FXYD6: variants seen among roughly 807,000 people sequenced by gnomAD.
FXYD6 encodes FXYD domain-containing ion transport regulator 6.
Under a neutral mutation model 16.7 loss-of-function variants are expected in FXYD6, and 7 were observed. The observed-to-expected ratio is 0.42, with a 90% CI of 0.24 to 0.79. FXYD6 has a LOEUF of 0.79. Ranked by LOEUF, FXYD6 falls within the 30% of genes least tolerant of loss-of-function variation. FXYD6 has a pLI of 0.28. For synonymous variants in FXYD6, 49 were observed against 43.0 expected, an observed-to-expected ratio of 1.14 and a Z score of -0.54; for missense variants, 111 against 116.2, an observed-to-expected ratio of 0.95 and a Z score of 0.21.
intron 1 of FXYD6, among the ~76,000 whole-genome samples, chr11:117,875,102 C>CTG (rs35917427): frequency 0.63 from 94,536 of 150,498 alleles, 31,978 homozygotes; most frequent in Non-Finnish European, 0.79. Flanking sequence ...TTTAGATGTA[C>CTG]TGTGTGTGTG....
At chr11:117,846,043 CATG>C (rs1366738516) in intron 1 of FXYD6, among the ~76,000 whole-genome samples, 5 of 152,210 alleles carry the variant, frequency 3.3e-5, no homozygotes, top group African/African-American at 4.8e-5. Context: ...TGGTCATCTC[CATG>C]ATAATATCCC....
At chr11:117,861,788 T>C (rs2056912269) in intron 1 of FXYD6, among the ~76,000 whole-genome samples, 1 of 152,222 alleles carries the variant, frequency 6.6e-6, no homozygotes, top group Non-Finnish European at 1.5e-5. Flanking sequence ...AGGGTCCTCG[T>C]GTGGTCACAG....
At chr11:117,859,713 T>G (rs1015912203) in intron 1 of FXYD6, among the ~76,000 whole-genome samples, 2 of 152,112 alleles carry the variant, frequency 1.3e-5, no homozygotes, top group Admixed American at 6.5e-5. Flanking sequence ...TTAGCACAAA[T>G]AAATCAAACT....
At chr11:117,875,566 G>A (rs1408791610) in intron 1 of FXYD6, among the ~76,000 whole-genome samples, 1 of 152,160 alleles carries the variant, frequency 6.6e-6, no homozygotes, top group African/African-American at 2.4e-5. Flanking sequence ...TAATATGAGG[G>A]TGGCTGGATC....
At chr11:117,842,660 C>T in intron 2 of FXYD6, 59 bp downstream of exon 2, 1 of 1,530,444 alleles carries the variant, frequency 6.5e-7, no homozygotes, top group African/African-American at 1.4e-5. Context: ...AACCTTCCAG[C>T]AGAGAGGGCT....
At chr11:117,850,192 G>A (rs568366076) in intron 1 of FXYD6, among the ~76,000 whole-genome samples, 2 of 151,658 alleles carry the variant, frequency 1.3e-5, no homozygotes, top group African/African-American at 4.8e-5. Context: ...GCCGTTCTCC[G>A]GCCTCCTTGC....
Position 117,841,775 on chromosome 11 carries a change from A to G in FXYD6, c.172+16T>C. On this transcript the variant is annotated intron_variant, in intron 4 of 7. Transcript: ENST00000526014. The stretch of plus-strand genomic sequence containing the variant: ...AGTCATTGCTCTTAACAGAGTGAGC[A>G]AAAGAACAAACTTACTTAGGATAAG... 3.1e-6 allele frequency: 5 copies of G among 1,613,630 alleles called. No individual in the cohort carries two copies. Among genetic ancestry groups the G allele is most frequent in the Non-Finnish European group, 4.2e-6 (5 of 1,179,986 alleles).
chr11:117,837,820 G>C lies in FXYD6; in HGVS notation c.*479C>G, dbSNP rs1042978. 3 of 237,320 alleles carry C rather than the reference G, an allele frequency of 1.3e-5. No homozygotes were observed. The highest frequency in any genetic ancestry group is 2.5e-5 in the Non-Finnish European group (3 of 118,386). The allele number at this position is 237,320 out of a possible 1,614,324, so 14.7% of individuals were successfully genotyped here. A position where few individuals can be genotyped will look rare whatever the true frequency, so the allele number is the denominator to read the frequency against. On this transcript the variant is annotated 3_prime_UTR_variant, in exon 8 of 8. Transcript: ENST00000526014. The surrounding 1 kb of genome is among the most constrained non-coding windows in gnomAD (Gnocchi z 4.4). ...AAGACGACTGAAGACCACTGCCCGT[G>C]CTCTTACCCTACGCATCCCTAAATC...
chr11:117,853,422 T>C (rs73593340), intron 1 of FXYD6, among the ~76,000 whole-genome samples: 36 of 152,358 alleles, frequency 2.4e-4, no homozygotes, highest in African/African-American at 8.2e-4. Flanking sequence ...TGCAGTAATG[T>C]CAATGAGGGT....
chr11:117,841,497 T>C, intron 4 of FXYD6: 1 of 588,374 alleles, frequency 1.7e-6, no homozygotes, highest in Non-Finnish European at 3.0e-6. Flanking sequence ...GCAGCACCTG[T>C]CTCCTTCCTC....
chr11:117,837,447 G>A lies in FXYD6; in HGVS notation c.*852C>T, dbSNP rs1015692004. The stretch of plus-strand genomic sequence containing the variant: ...GAAGTCTCAGAAGCAGGGAAGGTTG[G>A]AAGGGGTAGGGTCCCAGAGCCCATG... On this transcript the variant is annotated 3_prime_UTR_variant, in exon 8 of 8. Transcript: ENST00000526014. This position sits in a 1 kb window ranked among gnomAD's most constrained non-coding sequence, Gnocchi z 4.4. The A allele has an allele frequency of 6.5e-6, 1 of 152,810 alleles. No homozygotes were observed. Among genetic ancestry groups the A allele is most frequent in the Admixed American group, 6.5e-5 (1 of 15,284 alleles). 9.5% of individuals were successfully genotyped at this position (152,810 alleles called of 1,614,324 possible). A position where few individuals can be genotyped will look rare whatever the true frequency, so the allele number is the denominator to read the frequency against.
chr11:117,867,067 A>G (rs548918843), intron 1 of FXYD6, among the ~76,000 whole-genome samples: 17 of 152,384 alleles, frequency 1.1e-4, no homozygotes, highest in African/African-American at 4.1e-4. Context: ...GAGTTATTTA[A>G]TCAGATTGCT....
Position 117,872,130 on chromosome 11 carries a change from T to C in FXYD6, c.-6+4462A>G, listed in dbSNP as rs1176246714. 6.6e-6 allele frequency among the ~76,000 whole-genome samples: 1 copy of C among 152,068 alleles called. No homozygotes were observed. The highest frequency in any genetic ancestry group is 1.5e-5 in the Non-Finnish European group (1 of 68,018). On this transcript the variant is annotated intron_variant, in intron 1 of 7. Coordinates refer to ENST00000526014, the MANE Select transcript of FXYD6 (RefSeq NM_022003.4). The surrounding 1 kb of genome is among the most constrained non-coding windows in gnomAD (Gnocchi z 4.9). ...TGTAACATCAGTGGGTAAAATGGAATGGGCTGAGAGGGTGGACGTTCACAG... is the reference window on the plus strand; with the variant it reads ...TGTAACATCAGTGGGTAAAATGGAACGGGCTGAGAGGGTGGACGTTCACAG...
chr11:117,844,760 G>T (rs1180895399), intron 1 of FXYD6, among the ~76,000 whole-genome samples: 3 of 152,126 alleles, frequency 2.0e-5, no homozygotes, highest in African/African-American at 7.2e-5. Context: ...CAGAGCGCTG[G>T]AATTACAGGC....
At chr11:117,866,842 G>C (rs113523070) in intron 1 of FXYD6, among the ~76,000 whole-genome samples, 1 of 152,158 alleles carries the variant, frequency 6.6e-6, no homozygotes, top group African/African-American at 2.4e-5. Flanking sequence ...ACTACTAGCC[G>C]GCAGCCTTTC....
rs1565323736 is a variant in FXYD6, at chr11:117,858,700, TTTC to T, written c.-5-15922_-5-15920del. On this transcript the variant is annotated intron_variant, in intron 1 of 7. Transcript: ENST00000526014. ...CTTTCTTTCTTTCTTTCTTTCTTTCTTTCTCTCTCTCTCTCCTTCCTTCCCTTC... is the reference window on the plus strand; with the variant it reads ...CTTTCTTTCTTTCTTTCTTTCTTTCTTCTCTCTCTCTCCTTCCTTCCCTTC... Among the ~76,000 whole-genome samples, 243 of 54,816 alleles carry T rather than the reference TTTC, an allele frequency of 4.4e-3. 3 individuals carry two copies. Among genetic ancestry groups the T allele is most frequent in the African/African-American group, 0.023 (231 of 10,158 alleles). 36.0% of individuals were successfully genotyped at this position (54,816 alleles called of 152,430 possible). A position where few individuals can be genotyped will look rare whatever the true frequency, so the allele number is the denominator to read the frequency against.
Position 117,872,693 on chromosome 11 carries a change from C to G in FXYD6, c.-6+3899G>C, listed in dbSNP as rs1169811111. On this transcript the variant is annotated intron_variant, in intron 1 of 7. Coordinates refer to ENST00000526014, the MANE Select transcript of FXYD6 (RefSeq NM_022003.4). This position sits in a 1 kb window ranked among gnomAD's most constrained non-coding sequence, Gnocchi z 4.9. ...CCAGCCTGGTCCGTGGGGGCCCAGC[C>G]CCTTTCCCAGGCTGTGTGCTCCCTC... Among the ~76,000 whole-genome samples, 1 of 152,200 alleles carries G rather than the reference C, an allele frequency of 6.6e-6. No individual in the cohort carries two copies. The highest frequency in any genetic ancestry group is 2.4e-5 in the African/African-American group (1 of 41,442).
chr11:117,845,204 G>A (rs1565314571), intron 1 of FXYD6, among the ~76,000 whole-genome samples: 1 of 152,132 alleles, frequency 6.6e-6, no homozygotes, highest in Non-Finnish European at 1.5e-5. Flanking sequence ...GTCTCAATGG[G>A]TTTGCCCACT....
chr11:117,869,412 A>G (rs921682186), intron 1 of FXYD6, among the ~76,000 whole-genome samples: 1 of 152,154 alleles, frequency 6.6e-6, no homozygotes. Context: ...CAGTAGCCCA[A>G]CGGCTCGAAT....
Sources: allele counts gnomAD v4.1 joint callset (sites outside exome capture counted in the v4.1 genomes callset), GRCh38; gene constraint gnomAD v4.1.1; non-coding constraint Gnocchi (gnomAD v3.1); transcripts MANE v1.5; gene names NCBI Gene and HGNC (gene_info 2026-07-23, HGNC 2026-07-21).